The following ADTRP variants were observed in gnomAD, a reference collection of about 807,000 sequenced individuals.
The protein encoded by ADTRP is androgen-dependent TFPI-regulating protein.
A neutral mutation model predicts 27.0 loss-of-function variants in ADTRP; 20 were observed. That is an observed-to-expected ratio of 0.74 (90% confidence interval 0.52 to 1.08). The LOEUF (loss-of-function observed/expected upper bound fraction) is 1.08. ADTRP is among the 50% of genes least tolerant of loss of function. The pLI is 0.00. For missense variants in ADTRP, 251 were observed against 275.0 expected (o/e 0.91, Z 0.62); for synonymous variants, 101 against 105.2 (o/e 0.96, Z 0.25).
chr6:11,770,149 G>C (rs1763722239), intron 1 of ADTRP: 2 of 1,461,884 alleles, frequency 1.4e-6, no homozygotes, highest in Non-Finnish European at 1.9e-6. Flanking sequence ...AAGCATTGTG[G>C]GAGGTCAGAA....
At chr6:11,762,785 A>G (rs2113320888) in intron 3 of ADTRP, among the ~76,000 whole-genome samples, 1 of 152,288 alleles carries the variant, frequency 6.6e-6, no homozygotes, top group Non-Finnish European at 1.5e-5. Context: ...GAGTTCTCTG[A>G]TCTATTTCAC....
At chr6:11,735,935 T>G in intron 3 of ADTRP, 1 of 335,412 alleles carries the variant, frequency 3.0e-6, no homozygotes, top group Non-Finnish European at 5.6e-6. Context: ...TATTGCCCAC[T>G]GCTCCCCTCT....
chr6:11,758,354 A>T (rs1763278978), intron 3 of ADTRP, among the ~76,000 whole-genome samples: 1 of 151,888 alleles, frequency 6.6e-6, no homozygotes, highest in Admixed American at 6.6e-5. Context: ...ATGCAGCATC[A>T]CTCTTTAAAA....
intron 4 of ADTRP, among the ~76,000 whole-genome samples, chr6:11,728,838 C>T (rs1762297069): frequency 6.6e-6 from 1 of 152,178 alleles, no homozygotes; most frequent in Non-Finnish European, 1.5e-5. Flanking sequence ...CCAAGACCAC[C>T]ACAGGCTCTG....
intron 5 of ADTRP, among the ~76,000 whole-genome samples, chr6:11,720,932 T>G (rs997135637): frequency 2.6e-5 from 4 of 152,218 alleles, no homozygotes; most frequent in Non-Finnish European, 5.9e-5. Context: ...CCCTTGGATA[T>G]TCTATTGTCT....
chr6:11,721,480 T>C (rs1020516763), intron 5 of ADTRP, among the ~76,000 whole-genome samples: 4 of 152,262 alleles, frequency 2.6e-5, no homozygotes, highest in Non-Finnish European at 4.4e-5. Flanking sequence ...AAGTGTTCAC[T>C]GCATTGCAAC....
At chr6:11,777,229 TAA>T (rs1763984734) in intron 1 of ADTRP, among the ~76,000 whole-genome samples, 1 of 144,558 alleles carries the variant, frequency 6.9e-6, no homozygotes, top group African/African-American at 2.5e-5. Flanking sequence ...GAGCTAGAAT[TAA>T]AAAGTCAGGA....
intron 3 of ADTRP, among the ~76,000 whole-genome samples, chr6:11,755,928 T>G: frequency 6.6e-6 from 1 of 152,214 alleles, no homozygotes; most frequent in Non-Finnish European, 1.5e-5. Flanking sequence ...ATGGAGACAT[T>G]CATACATTGG....
At chr6:11,777,512 C>T (rs1409797290) in intron 1 of ADTRP, among the ~76,000 whole-genome samples, 2 of 151,846 alleles carry the variant, frequency 1.3e-5, no homozygotes, top group Non-Finnish European at 2.9e-5. Flanking sequence ...TACTGTGGCA[C>T]TGCTAGTTAT....
intron 3 of ADTRP, chr6:11,738,625 G>A (rs1762618037): frequency 6.6e-6 from 1 of 152,276 alleles, no homozygotes; most frequent in Non-Finnish European, 1.5e-5. Flanking sequence ...CAGAATTCCT[G>A]TGGAATAATG....
At chr6:11,767,224 G>A (rs973392513) in intron 2 of ADTRP, among the ~76,000 whole-genome samples, 1 of 152,132 alleles carries the variant, frequency 6.6e-6, no homozygotes, top group African/African-American at 2.4e-5. Context: ...ATACAAAAAA[G>A]TAGCCAGGTG....
chr6:11,716,609 G>T (rs1222946461), intron 5 of ADTRP, among the ~76,000 whole-genome samples: 2 of 152,158 alleles, frequency 1.3e-5, no homozygotes, highest in Non-Finnish European at 2.9e-5. Flanking sequence ...CTAGCAGCTG[G>T]GAATGGCAAG....
At chr6:11,723,276 TTC>T in intron 5 of ADTRP, 71 bp downstream of exon 5, 1 of 1,553,842 alleles carries the variant, frequency 6.4e-7, no homozygotes, top group Non-Finnish European at 8.7e-7. Flanking sequence ...TAGTTTTTCT[TTC>T]TGTTTCCAGG....
At chr6:11,722,355 G>C (rs901832588) in intron 5 of ADTRP, among the ~76,000 whole-genome samples, 3 of 152,154 alleles carry the variant, frequency 2.0e-5, no homozygotes, top group African/African-American at 7.2e-5. Context: ...CTCTGGTACT[G>C]AACCTTCTGA....
intron 3 of ADTRP, among the ~76,000 whole-genome samples, chr6:11,757,129 G>C (rs1763236066): frequency 6.6e-6 from 1 of 152,046 alleles, no homozygotes; most frequent in Non-Finnish European, 1.5e-5. Flanking sequence ...TCAGAATAAA[G>C]GAAAAATAAT....
intron 5 of ADTRP, among the ~76,000 whole-genome samples, chr6:11,722,661 A>G (rs1762054964): frequency 6.6e-6 from 1 of 152,198 alleles, no homozygotes; most frequent in South Asian, 2.1e-4. Flanking sequence ...GAGAGGAAGC[A>G]GGAAGGAGAA....
At chr6:11,745,784 AT>A (rs1261195270) in intron 3 of ADTRP, among the ~76,000 whole-genome samples, 3 of 150,510 alleles carry the variant, frequency 2.0e-5, no homozygotes, top group Admixed American at 6.6e-5. Context: ...AATTATGAAC[AT>A]TTTTTTTCTT....
chr6:11,716,036 T>C (rs984501885), intron 5 of ADTRP, among the ~76,000 whole-genome samples: 1 of 152,044 alleles, frequency 6.6e-6, no homozygotes, highest in Non-Finnish European at 1.5e-5. Flanking sequence ...ATTAGGTCTA[T>C]AAGTACAAGC....
chr6:11,717,519 A>T, intron 5 of ADTRP: 1 of 1,154,078 alleles, frequency 8.7e-7, no homozygotes, highest in Non-Finnish European at 1.1e-6. Flanking sequence ...GGATAAATAA[A>T]AACATAGTAT....
Sources: allele counts gnomAD v4.1 joint callset (sites outside exome capture counted in the v4.1 genomes callset), GRCh38; gene constraint gnomAD v4.1.1; transcripts MANE v1.5; gene names NCBI Gene and HGNC (gene_info 2026-07-23, HGNC 2026-07-21).